SASS6: variants seen among roughly 807,000 people sequenced by gnomAD.
SASS6 encodes spindle assembly abnormal protein 6 homolog.
In SASS6, 59 loss-of-function variants were observed where a neutral mutation model predicts 94.9. That is an observed-to-expected ratio of 0.62 (90% CI 0.50 to 0.77). The LOEUF is 0.77. SASS6 is among the 30% of genes least tolerant of loss of function. The probability of loss-of-function intolerance (pLI) is 0.00; values close to 1 mark genes in which losing one functional copy is unlikely to be tolerated. For missense variants in SASS6, 698 were observed against 734.1 expected, an observed-to-expected ratio of 0.95 and a Z score of 0.57; for synonymous variants, 264 against 270.0, an observed-to-expected ratio of 0.98 and a Z score of 0.22.
In SASS6 at chr1:100,115,962, C is replaced by T. The variant is rs1301986692; in HGVS notation, c.669+3056G>A. 4.0e-5 allele frequency among the ~76,000 whole-genome samples: 6 copies of T among 151,880 alleles called. No homozygotes were observed. The East Asian group carries it at 1.2e-3, about 29-fold the overall frequency. ...AAGTAGATTAAAAAGCTAAATATAA[C>T]AAGAAAATTAAACAAATATTAGAAT... is the stretch of plus-strand genomic sequence containing the variant. On this transcript the variant is annotated intron_variant, in intron 7 of 16. Coordinates refer to ENST00000287482, the MANE Select transcript of SASS6 (RefSeq NM_194292.3).
At chr1:100,097,225 G>T (rs1364975160) in intron 14 of SASS6, among the ~76,000 whole-genome samples, 2 of 152,194 alleles carry the variant, frequency 1.3e-5, no homozygotes, top group Admixed American at 1.3e-4. Flanking sequence ...CTCTCAGACT[G>T]CTGGTGGTAA....
In SASS6 at chr1:100,088,215, T is replaced by C; in HGVS notation, c.1696A>G (p.Thr566Ala). 1 of 1,594,598 alleles carries C rather than the reference T, an allele frequency of 6.3e-7. No homozygotes were observed. Among genetic ancestry groups the C allele is most frequent in the East Asian group, 2.2e-5 (1 of 44,786 alleles). The change falls in exon 15 of 17, where the codon ACA becomes GCA. Residue 566 changes from threonine (T) to alanine (A), a missense_variant. Thr to Ala is a moderately conservative substitution (Grantham distance 58). Coordinates refer to ENST00000287482, the MANE Select transcript of SASS6 (RefSeq NM_194292.3). ...GTKVQFNLQF[T>A]KPNASLGDVQ... ...TCTCCTAGTGATGCATTTGGTTTTG[T>C]AAACTGCAAATTAAACTGAACCTGT...
intron 14 of SASS6, among the ~76,000 whole-genome samples, chr1:100,094,459 C>T (rs569619900): frequency 6.6e-6 from 1 of 152,102 alleles, no homozygotes; most frequent in Non-Finnish European, 1.5e-5. Flanking sequence ...TTTTATGAGG[C>T]CAGTATTGTC....
chr1:100,132,145 C>T (rs1189846395), intron 1 of SASS6, among the ~76,000 whole-genome samples: 1 of 152,152 alleles, frequency 6.6e-6, no homozygotes, highest in Non-Finnish European at 1.5e-5. Flanking sequence ...CACTGTATTC[C>T]CAGTGCCCAG....
At chr1:100,090,391 A>G (rs750032070) in intron 14 of SASS6, among the ~76,000 whole-genome samples, 9 of 152,190 alleles carry the variant, frequency 5.9e-5, no homozygotes, top group Non-Finnish European at 1.3e-4. Flanking sequence ...CCAGAATATA[A>G]TATTAATATC....
intron 1 of SASS6, among the ~76,000 whole-genome samples, chr1:100,129,216 AAC>A (rs1177666070): frequency 7.2e-5 from 11 of 152,098 alleles, no homozygotes; most frequent in African/African-American, 2.4e-4. Flanking sequence ...TAGCCTGGGC[AAC>A]AGAGTGACAG....
Position 100,119,129 on chromosome 1 carries a change from TG to T in SASS6, c.557del (p.Ala186GlufsTer7). 6.4e-7 allele frequency: 1 copy of T among 1,552,760 alleles called. No homozygotes were observed. The highest frequency in any genetic ancestry group is 8.8e-7 in the Non-Finnish European group (1 of 1,134,998). ...KQLDFTRKTLAEKKQELDKLR... is the reference protein window; with the variant it reads ...KQLDFTRKTLXEKKQELDKLR... ...ACTTATCTAATTCTTGTTTTTTTTCTGCTAATGTCTACATTAGAGTTTAACA... is the reference window on the plus strand; with the variant it reads ...ACTTATCTAATTCTTGTTTTTTTTCTCTAATGTCTACATTAGAGTTTAACA... On this transcript the variant is annotated frameshift_variant, in exon 7 of 17. Transcript: ENST00000287482. LOFTEE classifies it high-confidence loss of function.
intron 1 of SASS6, among the ~76,000 whole-genome samples, chr1:100,127,201 T>G (rs1654679563): frequency 6.6e-6 from 1 of 152,246 alleles, no homozygotes; most frequent in African/African-American, 2.4e-5. Context: ...CTGCCAGAAT[T>G]AAATAACAAT....
chr1:100,130,731 G>A (rs938524103), intron 1 of SASS6, among the ~76,000 whole-genome samples: 1 of 151,766 alleles, frequency 6.6e-6, no homozygotes, highest in Admixed American at 6.6e-5. Context: ...GAGAGTCTGG[G>A]TTGTTCTTCC....
At position 100,105,850 on chromosome 1, in the gene SASS6, CTTGCTT is replaced by C; in HGVS notation, c.1456_1461del (p.Lys486_Gln487del). 1 of 1,610,858 alleles carries C rather than the reference CTTGCTT, an allele frequency of 6.2e-7. No individual in the cohort carries two copies. The highest frequency in any genetic ancestry group is 8.5e-7 in the Non-Finnish European group (1 of 1,178,056). On this transcript the variant is annotated inframe_deletion, in exon 13 of 17. Coordinates refer to ENST00000287482, the MANE Select transcript of SASS6 (RefSeq NM_194292.3). ...GGAGTAGTAGAAGGTCCCAATACAT[CTTGCTT>C]TCTCACTAGCTGATTTTCATTTAGT...
intron 7 of SASS6, among the ~76,000 whole-genome samples, chr1:100,111,390 A>G (rs543660348): frequency 5.9e-5 from 9 of 152,194 alleles, no homozygotes; most frequent in Non-Finnish European, 8.8e-5. Context: ...AATTCTTTGT[A>G]AAGTCTTTAA....
intron 1 of SASS6, among the ~76,000 whole-genome samples, chr1:100,131,330 C>T (rs752879547): frequency 2.6e-5 from 4 of 151,924 alleles, no homozygotes; most frequent in African/African-American, 7.3e-5. Flanking sequence ...GCTGGGACTA[C>T]GGGTGTGAGC....
At chr1:100,115,890 T>C (rs1367942599) in intron 7 of SASS6, among the ~76,000 whole-genome samples, 1 of 152,116 alleles carries the variant, frequency 6.6e-6, no homozygotes. Context: ...ACTGACTATA[T>C]GTCAAAAAAA....
At chr1:100,126,398 C>T (rs1223255124) in intron 1 of SASS6, among the ~76,000 whole-genome samples, 1 of 152,182 alleles carries the variant, frequency 6.6e-6, no homozygotes, top group Non-Finnish European at 1.5e-5. Flanking sequence ...AAAGACAAAC[C>T]ACCAATTTAG....
intron 1 of SASS6, among the ~76,000 whole-genome samples, chr1:100,130,290 G>C (rs1003636856): frequency 6.6e-6 from 1 of 152,186 alleles, no homozygotes; most frequent in Non-Finnish European, 1.5e-5. Flanking sequence ...GACGGAGAGG[G>C]GGGTGCGTAT....
At position 100,125,945 on chromosome 1, in the gene SASS6, G is replaced by A; in HGVS notation, c.66-3C>T. The A allele has an allele frequency of 2.0e-6, 3 of 1,482,488 alleles. No individual in the cohort carries two copies. The highest frequency in any genetic ancestry group is 2.8e-6 in the Non-Finnish European group (3 of 1,083,036). The allele number at this position is 1,482,488 out of a possible 1,614,324, so 91.8% of individuals were successfully genotyped here. ...TGCTCATTCTTATACTTACTCTCCT[G>A]TAGGAAAAGACATACCCAACCATCA... On this transcript the variant is annotated splice_polypyrimidine_tract_variant and splice_region_variant and intron_variant, in intron 1 of 16. Coordinates refer to ENST00000287482, the MANE Select transcript of SASS6 (RefSeq NM_194292.3).
chr1:100,118,855 TTATCTC>T (rs1162937763), intron 7 of SASS6, among the ~76,000 whole-genome samples, 157 bp downstream of exon 7: 1 of 152,174 alleles, frequency 6.6e-6, no homozygotes, highest in South Asian at 2.1e-4. Context: ...TGTTTATAGA[TTATCTC>T]TAGGTAGTAA....
intron 6 of SASS6, 118 bp from the exon 7 acceptor site, chr1:100,119,255 A>T: frequency 4.0e-6 from 2 of 505,970 alleles, no homozygotes; most frequent in East Asian, 7.3e-5. Context: ...GCTTTTCAGG[A>T]CATGTTCAAA....
chr1:100,127,916 CATT>C lies in SASS6; in HGVS notation c.66-1977_66-1975del, dbSNP rs201474417. Among the ~76,000 whole-genome samples the C allele has an allele frequency of 2.9e-3, 446 of 152,212 alleles. 2 individuals carry two copies. The highest frequency in any genetic ancestry group is 9.8e-3 in the African/African-American group (405 of 41,524). ...TGTGAAAACCTTTTTAGCTCTACAT[CATT>C]ATGTTTGGTTTTCATCTTCTGAAGT... On this transcript the variant is annotated intron_variant, in intron 1 of 16. Coordinates refer to ENST00000287482, the MANE Select transcript of SASS6 (RefSeq NM_194292.3).
Sources: gnomAD v4.1 joint callset for allele counts (sites outside exome capture counted in the v4.1 genomes callset) on GRCh38, gnomAD v4.1.1 for gene constraint, MANE v1.5 for transcripts, NCBI Gene and HGNC (gene_info 2026-07-23, HGNC 2026-07-21) for gene names.